CCDC149: variants seen among roughly 807,000 people sequenced by gnomAD.
The protein encoded by CCDC149 is coiled-coil domain-containing protein 149.
In CCDC149, 45 loss-of-function variants were observed where a neutral mutation model predicts 59.9. That is an observed-to-expected ratio of 0.75 (90% CI 0.59 to 0.96). The LOEUF is 0.96. Among genes scored for constraint, CCDC149 ranks in the 40% least tolerant of loss-of-function variants. The pLI is 0.00. For missense variants in CCDC149, 584 were observed against 664.7 expected (o/e 0.88, Z 1.33); for synonymous variants, 245 against 260.6 (o/e 0.94, Z 0.58).
intron 4 of CCDC149, among the ~76,000 whole-genome samples, chr4:24,842,874 T>C (rs1347285968): frequency 6.6e-6 from 1 of 152,360 alleles, no homozygotes; most frequent in East Asian, 1.9e-4. Context: ...TGAATCTGTT[T>C]TACCCAACAG....
chr4:24,857,410 T>C (rs1412823423), intron 3 of CCDC149, among the ~76,000 whole-genome samples: 3 of 152,206 alleles, frequency 2.0e-5, no homozygotes, highest in Non-Finnish European at 2.9e-5. Context: ...TGCTGTCAAA[T>C]TGCTATAAAA....
At chr4:24,813,495 T>TATATATATATATATATATATAC (rs1714775183) in intron 12 of CCDC149, among the ~76,000 whole-genome samples, 6 of 12,992 alleles carry the variant, frequency 4.6e-4, no homozygotes, top group African/African-American at 1.0e-3. Flanking sequence ...GGGGAATATA[T>TATATATATATATATATATATAC]ATATATATAT....
intron 1 of CCDC149, among the ~76,000 whole-genome samples, chr4:24,891,501 A>G (rs1247478826): frequency 6.6e-6 from 1 of 152,224 alleles, no homozygotes; most frequent in Non-Finnish European, 1.5e-5. Context: ...GCTCTCCTTA[A>G]CAGAACATTT....
chr4:24,931,829 G>GTATATATATATGTATATATATA (rs1722598057), intron 1 of CCDC149, among the ~76,000 whole-genome samples: 1 of 76,908 alleles, frequency 1.3e-5, no homozygotes, highest in Non-Finnish European at 2.4e-5. Context: ...TGGAGAGTAT[G>GTATATATATATGTATATATATA]TATATATATA....
At chr4:24,939,565 G>A (rs909088372) in intron 1 of CCDC149, among the ~76,000 whole-genome samples, 4 of 152,188 alleles carry the variant, frequency 2.6e-5, no homozygotes, top group Non-Finnish European at 4.4e-5. Flanking sequence ...GACGAGTTGA[G>A]AGAGAAAGGC....
chr4:24,805,222 C>T (rs150635372), downstream of CCDC149, among the ~76,000 whole-genome samples: 194 of 152,298 alleles, frequency 1.3e-3, 2 homozygotes, highest in Non-Finnish European at 2.1e-3. Context: ...TGTTTCATTT[C>T]TCCAGGCTGC....
At chr4:24,813,501 T>TATATATATATATATATATAC (rs1714785446) in intron 12 of CCDC149, among the ~76,000 whole-genome samples, 8 of 42,074 alleles carry the variant, frequency 1.9e-4, no homozygotes, top group African/African-American at 5.5e-4. Flanking sequence ...TATATATATA[T>TATATATATATATATATATAC]ATATATATAT....
At chr4:24,840,191 C>CTCA (rs1166741502) in intron 4 of CCDC149, among the ~76,000 whole-genome samples, 1 of 152,146 alleles carries the variant, frequency 6.6e-6, no homozygotes, top group Non-Finnish European at 1.5e-5. Context: ...TTGAAAACTA[C>CTCA]TCAGTTGAAC....
At chr4:24,857,824 C>T (rs537725433) in intron 3 of CCDC149, among the ~76,000 whole-genome samples, 1 of 152,314 alleles carries the variant, frequency 6.6e-6, no homozygotes, top group East Asian at 1.9e-4. Flanking sequence ...CCCTGGAGTA[C>T]AGTGGGGTGG....
chr4:24,824,360 G>A (rs1715591837), intron 9 of CCDC149, among the ~76,000 whole-genome samples: 1 of 152,132 alleles, frequency 6.6e-6, no homozygotes, highest in South Asian at 2.1e-4. Flanking sequence ...CTCAGTAGAA[G>A]TTATGACAGT....
chr4:24,938,530 T>G (rs1722848557), intron 1 of CCDC149, among the ~76,000 whole-genome samples: 1 of 152,152 alleles, frequency 6.6e-6, no homozygotes, highest in African/African-American at 2.4e-5. Flanking sequence ...TTCATCTCAC[T>G]GGGGAGCGCA....
intron 1 of CCDC149, among the ~76,000 whole-genome samples, chr4:24,951,879 C>A (rs2109355121): frequency 6.6e-6 from 1 of 152,306 alleles, no homozygotes; most frequent in East Asian, 1.9e-4. Flanking sequence ...ACTGCAGATG[C>A]ACCCTCTGAA....
chr4:24,831,359 C>G, intron 9 of CCDC149, 147 bp downstream of exon 9: 1 of 746,212 alleles, frequency 1.3e-6, no homozygotes, highest in Non-Finnish European at 2.2e-6. Flanking sequence ...GCAGAAGCAC[C>G]ATTCTAGTTT....
intron 9 of CCDC149, chr4:24,827,635 C>T (rs750865888): frequency 7.9e-5 from 12 of 152,218 alleles, no homozygotes; most frequent in African/African-American, 2.2e-4. Context: ...CGTTCTTTCT[C>T]GATCACCAGG....
intron 12 of CCDC149, among the ~76,000 whole-genome samples, chr4:24,818,266 A>C (rs1715142994): frequency 6.6e-6 from 1 of 152,134 alleles, no homozygotes; most frequent in Non-Finnish European, 1.5e-5. Flanking sequence ...AGAAGGAAGA[A>C]AGCAGGAAGA....
At chr4:24,876,152 T>C (rs1322672970) in intron 2 of CCDC149, among the ~76,000 whole-genome samples, 2 of 152,088 alleles carry the variant, frequency 1.3e-5, no homozygotes, top group African/African-American at 2.4e-5. Flanking sequence ...ACAGTATATG[T>C]AGGGTTTCCT....
At chr4:24,874,260 G>GTTTTTTTTTTTTTTTTTTTTT (rs1233579287) in intron 2 of CCDC149, among the ~76,000 whole-genome samples, 1 of 33,848 alleles carries the variant, frequency 3.0e-5, no homozygotes, top group African/African-American at 8.9e-5. Context: ...TTTTTTTTTT[G>GTTTTTTTTTTTTTTTTTTTTT]TTTTGTTTTT....
chr4:24,844,139 G>A (rs1268553295), intron 4 of CCDC149, among the ~76,000 whole-genome samples: 1 of 152,050 alleles, frequency 6.6e-6, no homozygotes, highest in African/African-American at 2.4e-5. Flanking sequence ...CTGCCTCTCT[G>A]TCTTCATCAT....
intron 1 of CCDC149, among the ~76,000 whole-genome samples, chr4:24,944,438 T>A (rs1393637969): frequency 3.3e-5 from 5 of 151,910 alleles, no homozygotes; most frequent in Non-Finnish European, 5.9e-5. Context: ...TTAGGAGATA[T>A]ACCTAATGCT....
Sources: gnomAD v4.1 joint callset for allele counts (sites outside exome capture counted in the v4.1 genomes callset) on GRCh38, gnomAD v4.1.1 for gene constraint, MANE v1.5 for transcripts, NCBI Gene and HGNC (gene_info 2026-07-23, HGNC 2026-07-21) for gene names.